Variants in BNIP1 observed in about 807,000 individuals in gnomAD.
The protein encoded by BNIP1 is BCL2 interacting protein 1.
In BNIP1, 25 loss-of-function variants were observed where a neutral mutation model predicts 28.5. That is an observed-to-expected ratio of 0.88 (90% CI 0.64 to 1.23). The LOEUF is 1.23. Ranked by LOEUF, BNIP1 falls within the 50% of genes most tolerant of loss-of-function variation. The pLI, the probability that BNIP1 is intolerant of heterozygous loss-of-function variation, is 0.00. For synonymous variants in BNIP1, 118 were observed against 101.7 expected (o/e 1.16, Z -0.96); for missense variants, 276 against 277.0 (o/e 1.00, Z 0.02).
intron 1 of BNIP1, 199 bp downstream of exon 1, chr5:173,144,828 C>T (rs963859732): frequency 7.1e-6 from 4 of 564,348 alleles, no homozygotes; most frequent in African/African-American, 3.8e-5. Flanking sequence ...TTCCGGGTGC[C>T]GCCGGATCTC....
Position 173,159,950 on chromosome 5 carries a change from G to T in BNIP1, c.389G>T (p.Ser130Ile). 3 of 1,614,126 alleles carry T rather than the reference G, an allele frequency of 1.9e-6. No homozygotes were observed. Among genetic ancestry groups the T allele is most frequent in the Non-Finnish European group, 2.5e-6 (3 of 1,179,994 alleles). ...ACTTTTAGGAAAACCACCAAAGAGA[G>T]CCTGGCCCAGACATCCAGTACCATC... ...LLRQRKTTKE[S>I]LAQTSSTITE... The change falls in exon 5 of 6, where the codon AGC becomes ATC. Residue 130 changes from serine (S) to isoleucine (I), a missense_variant. Physicochemically the swap from Ser to Ile is moderately radical, Grantham distance 142. Coordinates refer to ENST00000351486, the MANE Select transcript of BNIP1 (RefSeq NM_001205.3).
chr5:173,163,827 AG>A lies in BNIP1; in HGVS notation c.594del (p.Glu198AspfsTer2). ...RKLITKYNRR[E>X]LTDKLLIFLA... Reference sequence around the variant, plus strand: ...CTTATCACAAAATACAATCGCCGGGAGCTGACGGACAAGCTTCTCATCTTCC... The same window carrying A: ...CTTATCACAAAATACAATCGCCGGGACTGACGGACAAGCTTCTCATCTTCC... On this transcript the variant is annotated frameshift_variant, in exon 6 of 6. Coordinates refer to ENST00000351486, the MANE Select transcript of BNIP1 (RefSeq NM_001205.3). LOFTEE classifies it high-confidence loss of function. The A allele has an allele frequency of 6.2e-7, 1 of 1,613,980 alleles. No individual in the cohort carries two copies. The highest frequency in any genetic ancestry group is 8.5e-7 in the Non-Finnish European group (1 of 1,179,962).
chr5:173,146,336 C>G lies in BNIP1; in HGVS notation c.85-530C>G, dbSNP rs1292324062. 2.0e-5 allele frequency among the ~76,000 whole-genome samples: 3 copies of G among 152,206 alleles called. No homozygotes were observed. The East Asian group carries it at 5.8e-4, about 29-fold the overall frequency. ...CCAGAGCCTGCCGTGAAAGCTGGCA[C>G]CAGTAATTCTGAATGTCCAGCAACA... On this transcript the variant is annotated intron_variant, in intron 1 of 5. Transcript: ENST00000351486.
At chr5:173,160,153 T>C (rs1760321317) in intron 5 of BNIP1, 102 bp downstream of exon 5, 1 of 1,066,528 alleles carries the variant, frequency 9.4e-7, no homozygotes, top group South Asian at 1.5e-5. Flanking sequence ...GCCCACACGA[T>C]GTTCACTGAC....
chr5:173,146,873 G>T lies in BNIP1; in HGVS notation c.92G>T (p.Arg31Leu). 6.2e-7 allele frequency: 1 copy of T among 1,612,970 alleles called. No individual in the cohort carries two copies. Among genetic ancestry groups the T allele is most frequent in the Non-Finnish European group, 8.5e-7 (1 of 1,179,058 alleles). ...CTGTTCAATGTCTCCTAGGATATCC[G>T]TGATTGTTCAGGACCCTTAAGTGCT... ...LEVKALIQDIRDCSGPLSALT... is the reference protein window; with the variant it reads ...LEVKALIQDILDCSGPLSALT... Residue 31 changes from arginine to leucine, a missense_variant, in exon 2 of 6, where the codon CGT (arginine) becomes CTT (leucine). Arg to Leu is a moderately radical substitution (Grantham distance 102, BLOSUM62 -2). Coordinates refer to ENST00000351486, the MANE Select transcript of BNIP1 (RefSeq NM_001205.3).
chr5:173,158,795 C>T lies in BNIP1; in HGVS notation c.321C>T (p.Asp107=). 6.2e-7 allele frequency: 1 copy of T among 1,614,098 alleles called. No homozygotes were observed. Among genetic ancestry groups the T allele is most frequent in the South Asian group, 1.1e-5 (1 of 91,072 alleles). ...ATCTCACCTGCAAAATTGCAATCGA[C>T]AATCTAGAGAAAGCAGAACTTCTTC... ...KANLTCKIAI[D]NLEKAELLQG... The change falls in exon 4 of 6, where the codon GAC becomes GAT. Residue 107 remains aspartate (D), a synonymous_variant. Transcript: ENST00000351486.
At chr5:173,160,312 G>A (rs1380868210) in intron 5 of BNIP1, among the ~76,000 whole-genome samples, 11 of 150,722 alleles carry the variant, frequency 7.3e-5, no homozygotes, top group African/African-American at 2.4e-4. Context: ...TCAGCTCACC[G>A]CAACCTCTGC....
chr5:173,163,857 C>G lies in BNIP1; in HGVS notation c.623C>G (p.Ala208Gly), dbSNP rs776652848. Residue 208 changes from alanine (A) to glycine (G), a missense_variant, in exon 6 of 6, where the codon GCG becomes GGG. Ala to Gly is a moderately conservative substitution (Grantham distance 60). Coordinates refer to ENST00000351486, the MANE Select transcript of BNIP1 (RefSeq NM_001205.3). The stretch of plus-strand genomic sequence containing the variant: ...ACGGACAAGCTTCTCATCTTCCTTG[C>G]GCTAGCCCTGTTTCTTGCTACGGTC... ...ELTDKLLIFL[A>G]LALFLATVLY... 1 of 1,614,052 alleles carries G rather than the reference C, an allele frequency of 6.2e-7. No individual in the cohort carries two copies. Among genetic ancestry groups the G allele is most frequent in the South Asian group, 1.1e-5 (1 of 91,030 alleles).
chr5:173,146,960 T>TA lies in BNIP1; in HGVS notation c.177+2_177+3insA, dbSNP rs1234765252. ...CAACAGTTGCGTCACAGAATACAGG[T>TA]GGGTATTCTCAATTCAGTCAATGAA... On this transcript the variant is annotated splice_region_variant and intron_variant, in intron 2 of 5. Coordinates refer to ENST00000351486, the MANE Select transcript of BNIP1 (RefSeq NM_001205.3). The TA allele has an allele frequency of 1.2e-6, 2 of 1,606,844 alleles. No individual in the cohort carries two copies. Among genetic ancestry groups the TA allele is most frequent in the African/African-American group, 2.7e-5 (2 of 74,686 alleles).
intron 2 of BNIP1, chr5:173,151,647 T>A: frequency 6.2e-7 from 1 of 1,614,120 alleles, no homozygotes. Context: ...AGACTTTTCT[T>A]CAACTCAGCA....
chr5:173,147,232 C>T (rs549078474), intron 2 of BNIP1, among the ~76,000 whole-genome samples: 14 of 151,540 alleles, frequency 9.2e-5, no homozygotes, highest in African/African-American at 2.9e-4. Context: ...CGGTGAAGCC[C>T]GTCTCTACTA....
intron 2 of BNIP1, among the ~76,000 whole-genome samples, chr5:173,152,896 T>C: frequency 6.6e-6 from 1 of 152,134 alleles, no homozygotes; most frequent in East Asian, 1.9e-4. Flanking sequence ...AATGAGCAAA[T>C]ACATTGATGT....
At chr5:173,154,212 A>G (rs1760112841) in intron 2 of BNIP1, 110 bp from the exon 3 acceptor site, 1 of 856,204 alleles carries the variant, frequency 1.2e-6, no homozygotes, top group South Asian at 1.7e-5. Context: ...GTTCTGTTTT[A>G]AAAGGGTGCT....
intron 2 of BNIP1, among the ~76,000 whole-genome samples, chr5:173,150,670 G>A (rs1260342084): frequency 6.6e-6 from 1 of 151,896 alleles, no homozygotes; most frequent in East Asian, 1.9e-4. Flanking sequence ...TTTGTTTTTT[G>A]TTCCACTCTT....
chr5:173,153,288 C>T (rs255291), intron 2 of BNIP1, among the ~76,000 whole-genome samples: 57,931 of 150,724 alleles, frequency 0.38, 11,902 homozygotes, highest in Non-Finnish European at 0.46. Flanking sequence ...AGTGCAGTGG[C>T]GCAGTCTTGG....
At chr5:173,147,734 T>C (rs1759882193) in intron 2 of BNIP1, among the ~76,000 whole-genome samples, 1 of 152,092 alleles carries the variant, frequency 6.6e-6, no homozygotes, top group Admixed American at 6.6e-5. Flanking sequence ...AGCAGTTATG[T>C]TTGTTTGTTT....
chr5:173,150,022 C>G (rs1403910384), intron 2 of BNIP1, among the ~76,000 whole-genome samples: 1 of 152,220 alleles, frequency 6.6e-6, no homozygotes, highest in East Asian at 1.9e-4. Context: ...CTTTGGGAGG[C>G]CAAGGCGAGT....
chr5:173,154,417 G>T lies in BNIP1; in HGVS notation c.269+4G>T. 1.2e-6 allele frequency: 2 copies of T among 1,609,812 alleles called. No homozygotes were observed. The highest frequency in any genetic ancestry group is 1.1e-5 in the South Asian group (1 of 90,490). On this transcript the variant is annotated splice_donor_region_variant and intron_variant, in intron 3 of 5. Coordinates refer to ENST00000351486, the MANE Select transcript of BNIP1 (RefSeq NM_001205.3). ...ATCACAAAAAGCAGATGCTCAGGTA[G>T]GCAGGGCCTGCCCCCGCCAGCGGCT...
At chr5:173,146,718 T>C (rs1581066702) in intron 1 of BNIP1, 148 bp from the exon 2 acceptor site, 1 of 500,836 alleles carries the variant, frequency 2.0e-6, no homozygotes, top group South Asian at 3.9e-5. Flanking sequence ...TTTTTGCTTG[T>C]GTTGCAGAGG....
Sources: allele counts gnomAD v4.1 joint callset (sites outside exome capture counted in the v4.1 genomes callset), GRCh38; gene constraint gnomAD v4.1.1; transcripts MANE v1.5; gene names NCBI Gene and HGNC (gene_info 2026-07-23, HGNC 2026-07-21).